Variants in CDH2 observed in about 807,000 individuals in gnomAD.
CDH2 encodes cadherin-2.
In CDH2, 17 loss-of-function variants were observed where a neutral mutation model predicts 92.0. That is an observed-to-expected ratio of 0.18 (90% CI 0.13 to 0.28). The LOEUF (loss-of-function observed/expected upper bound fraction) is 0.28, where lower values mean the gene tolerates loss of function less well. CDH2 is among the 10% of genes least tolerant of loss of function. The pLI, the probability that CDH2 is intolerant of heterozygous loss-of-function variation, is 1.00. For missense variants in CDH2, 862 were observed against 1,133.1 expected, an observed-to-expected ratio of 0.76 and a Z score of 3.44; for synonymous variants, 419 against 415.9, an observed-to-expected ratio of 1.01 and a Z score of -0.09.
intron 2 of CDH2, among the ~76,000 whole-genome samples, chr18:28,068,866 T>C (rs1404044437): frequency 1.3e-5 from 2 of 152,306 alleles, no homozygotes; most frequent in East Asian, 3.9e-4. Flanking sequence ...CAATCTTCAA[T>C]CTATTTAATA....
In CDH2 at chr18:28,013,699, G is replaced by A. The variant is rs199902980; in HGVS notation, c.383C>T (p.Thr128Ile). 6 of 1,613,392 alleles carry A rather than the reference G, an allele frequency of 3.7e-6. No individual in the cohort carries two copies. Among genetic ancestry groups the A allele is most frequent in the Middle Eastern group, 1.7e-4 (1 of 6,058 alleles). ...AVKLSLKPTL[T>I]EESVKESAEV... Reference sequence around the variant, plus strand: ...ATACTATACCTTCACTGACTCCTCAGTTAAGGTTGGCTTCAGGCTCAATTT... The same window carrying A: ...ATACTATACCTTCACTGACTCCTCAATTAAGGTTGGCTTCAGGCTCAATTT... The change falls in exon 3 of 16, where the codon ACT becomes ATT. Residue 128 changes from threonine to isoleucine, a missense_variant. Coordinates refer to ENST00000269141, the MANE Select transcript of CDH2 (RefSeq NM_001792.5).
chr18:28,075,285 G>A (rs146474132), intron 2 of CDH2, among the ~76,000 whole-genome samples: 3 of 152,240 alleles, frequency 2.0e-5, no homozygotes, highest in Non-Finnish European at 4.4e-5. Context: ...TACAATATGA[G>A]TGCACAGAGT....
intron 2 of CDH2, among the ~76,000 whole-genome samples, chr18:28,058,104 T>C (rs545364486): frequency 6.6e-6 from 1 of 152,312 alleles, no homozygotes; most frequent in East Asian, 1.9e-4. Flanking sequence ...TTCAATGGGA[T>C]GTAAATATGT....
At chr18:28,159,658 GTTTTTT>G (rs775758310) in intron 1 of CDH2, among the ~76,000 whole-genome samples, 1 of 134,912 alleles carries the variant, frequency 7.4e-6, no homozygotes, top group East Asian at 2.2e-4. Context: ...CAATTTTTTT[GTTTTTT>G]TTTTTTTTTT....
Position 27,982,709 on chromosome 18 carries a change from G to A in CDH2, c.2349+235C>T, listed in dbSNP as rs150897633. Among the ~76,000 whole-genome samples, 433 of 150,532 alleles carry A rather than the reference G, an allele frequency of 2.9e-3. 1 individual carries two copies. The highest frequency in any genetic ancestry group is 9.9e-3 in the African/African-American group (408 of 41,080). Reference sequence around the variant, plus strand: ...ATTACACAGATATAACTAGAATTGGGTTTAAAGCCTTTGAAACAAGGTGTT... The same window carrying A: ...ATTACACAGATATAACTAGAATTGGATTTAAAGCCTTTGAAACAAGGTGTT... On this transcript the variant is annotated intron_variant, in intron 14 of 15. Transcript: ENST00000269141.
intron 2 of CDH2, among the ~76,000 whole-genome samples, chr18:28,138,817 G>C (rs2144311095): frequency 1.3e-5 from 2 of 152,084 alleles, no homozygotes; most frequent in East Asian, 3.9e-4. Flanking sequence ...GTCACCAGTG[G>C]GTAAAAATTT....
intron 14 of CDH2, among the ~76,000 whole-genome samples, chr18:27,980,702 A>C (rs1363231770): frequency 1.3e-5 from 2 of 151,812 alleles, no homozygotes; most frequent in Non-Finnish European, 2.9e-5. Flanking sequence ...AATTAGCCCC[A>C]GAGTACGATA....
At chr18:27,946,073 T>G (rs541681520), downstream of CDH2, among the ~76,000 whole-genome samples, 2 of 152,298 alleles carry the variant, frequency 1.3e-5, no homozygotes, top group South Asian at 4.1e-4. Flanking sequence ...GAGCAAGGAC[T>G]GGTAAAAGTT....
rs1214180562 is a variant in CDH2 at position 27,963,531 on chromosome 18, G to A, written c.2350-10C>T. The stretch of plus-strand genomic sequence containing the variant: ...GGCTCAAGTCATAGTCCTGCAAAAA[G>A]ACAAAATCAAAAACCGATGGGAGAT... On this transcript the variant is annotated splice_polypyrimidine_tract_variant and intron_variant, in intron 14 of 15. Transcript: ENST00000269141. The A allele has an allele frequency of 6.2e-7, 1 of 1,611,502 alleles. No individual in the cohort carries two copies. Among genetic ancestry groups the A allele is most frequent in the Non-Finnish European group, 8.5e-7 (1 of 1,178,704 alleles).
chr18:28,126,534 C>T (rs992977422), intron 2 of CDH2, among the ~76,000 whole-genome samples: 30 of 151,894 alleles, frequency 2.0e-4, no homozygotes, highest in Admixed American at 1.7e-3. Context: ...TCTAAAACCC[C>T]GAGACATTAT....
intron 2 of CDH2, among the ~76,000 whole-genome samples, chr18:28,017,388 G>A (rs1015697269): frequency 6.6e-6 from 1 of 152,008 alleles, no homozygotes; most frequent in Non-Finnish European, 1.5e-5. Flanking sequence ...ATATTTCATT[G>A]TTTAAGCATG....
intron 2 of CDH2, among the ~76,000 whole-genome samples, chr18:28,017,548 C>G (rs1459653135): frequency 3.9e-5 from 6 of 152,070 alleles, no homozygotes; most frequent in Non-Finnish European, 5.9e-5. Flanking sequence ...TTTTACTTAT[C>G]TTTCAAATAA....
At chr18:28,090,930 T>C (rs1599093535) in intron 2 of CDH2, among the ~76,000 whole-genome samples, 2 of 152,316 alleles carry the variant, frequency 1.3e-5, no homozygotes, top group Admixed American at 6.5e-5. Context: ...CTTAAATTTC[T>C]ATATCCAATA....
chr18:28,009,051 T>C (rs921391820), intron 5 of CDH2, among the ~76,000 whole-genome samples: 6 of 152,086 alleles, frequency 3.9e-5, no homozygotes, highest in South Asian at 2.1e-4. Flanking sequence ...ACTGGGGAGA[T>C]TGGTATCCTG....
chr18:28,172,102 T>TGC (rs1555648768), intron 1 of CDH2, among the ~76,000 whole-genome samples: 34 of 151,622 alleles, frequency 2.2e-4, no homozygotes, highest in South Asian at 1.5e-3. Flanking sequence ...TGTGTGTGTG[T>TGC]GCGTGTGTGT....
At chr18:27,985,273 T>A in intron 12 of CDH2, 40 bp from the exon 13 acceptor site, 1 of 1,165,000 alleles carries the variant, frequency 8.6e-7, no homozygotes, top group Non-Finnish European at 1.3e-6. Flanking sequence ...TAGGTAATAC[T>A]TAAAGCGATA....
intron 14 of CDH2, among the ~76,000 whole-genome samples, chr18:27,982,187 CAT>C (rs554697101): frequency 1.6e-3 from 249 of 152,280 alleles, no homozygotes; most frequent in Admixed American, 3.2e-3. Context: ...GAATGCCTGA[CAT>C]GTAGTATAGA....
In CDH2 at chr18:27,963,449, G is replaced by A. The variant is rs759639016; in HGVS notation, c.2422C>T (p.Arg808Ter). 2.5e-6 allele frequency: 4 copies of A among 1,613,874 alleles called. No individual in the cohort carries two copies. The highest frequency in any genetic ancestry group is 1.7e-5 in the Admixed American group (1 of 59,990). ...GCGTGGATGGGTCTTTCATCCATTC[G>A]TCGGATTCCCACAGGCTTGATGGCA... ...PDAIKPVGIRRMDERPIHAEP... is the reference protein window; with the variant it reads ...PDAIKPVGIR Residue 808 changes from arginine (R) to a stop codon, truncating the protein, a stop_gained, in exon 15 of 16, where the codon CGA (arginine) becomes TGA (stop). Coordinates refer to ENST00000269141, the MANE Select transcript of CDH2 (RefSeq NM_001792.5). LOFTEE classifies it high-confidence loss of function.
chr18:28,008,057 G>A (rs950072718), intron 5 of CDH2, among the ~76,000 whole-genome samples: 2 of 152,144 alleles, frequency 1.3e-5, no homozygotes, highest in Non-Finnish European at 2.9e-5. Flanking sequence ...TAATGTGCAA[G>A]TAGCAAGCAC....
Sources: allele counts gnomAD v4.1 joint callset (sites outside exome capture counted in the v4.1 genomes callset), GRCh38; gene constraint gnomAD v4.1.1; transcripts MANE v1.5; gene names NCBI Gene and HGNC (gene_info 2026-07-23, HGNC 2026-07-21).